HGFAC: variants seen among roughly 807,000 people sequenced by gnomAD.
HGFAC encodes HGF activator, also known as hepatocyte growth factor activator serine protease.
HGFAC carries 76 observed loss-of-function variants against 70.6 expected under a neutral mutation model. The ratio of observed to expected loss-of-function variants is 1.08; its 90% CI spans 0.89 to 1.30. HGFAC has a LOEUF of 1.30. HGFAC is among the 50% of genes most tolerant of loss of function. The pLI is 0.00. For missense variants in HGFAC, 1,044 were observed against 933.7 expected (o/e 1.12, Z -1.54); for synonymous variants, 464 against 405.3 (o/e 1.14, Z -1.74).
chr4:3,444,937 C>A lies in HGFAC; in HGVS notation c.960C>A (p.His320Gln). The A allele has an allele frequency of 6.2e-7, 1 of 1,608,912 alleles. No homozygotes were observed. Among genetic ancestry groups the A allele is most frequent in the South Asian group, 1.1e-5 (1 of 90,524 alleles). Reference sequence around the variant, plus strand: ...CCGATCTGCTCTACCAGGAGCTGCACGTGGACTCCGTGGGCGCCGCGGCCC... The same window carrying A: ...CCGATCTGCTCTACCAGGAGCTGCAAGTGGACTCCGTGGGCGCCGCGGCCC... ...WNSDLLYQELHVDSVGAAALL... is the reference protein window; with the variant it reads ...WNSDLLYQELQVDSVGAAALL... The change falls in exon 8 of 14, where the codon CAC (histidine) becomes CAA (glutamine). Residue 320 changes from histidine to glutamine, a missense_variant. By Grantham distance (24) the His-to-Gln change is conservative. Coordinates refer to ENST00000382774, the MANE Select transcript of HGFAC (RefSeq NM_001528.4).
At chr4:3,445,199 C>A in intron 8 of HGFAC, 66 bp from the exon 9 acceptor site, 1 of 1,402,820 alleles carries the variant, frequency 7.1e-7, no homozygotes, top group Non-Finnish European at 9.9e-7. Flanking sequence ...GGTTCCGATG[C>A]CCCCTCCCCA....
chr4:3,445,516 CTGGGGTCACAG>C (rs1278671586), intron 9 of HGFAC, 166 bp downstream of exon 9: 2 of 642,072 alleles, frequency 3.1e-6, no homozygotes, highest in African/African-American at 3.6e-5. Flanking sequence ...TGGGTCGGTA[CTGGGGTCACAG>C]TGGGGAAGCA....
intron 3 of HGFAC, 31 bp from the exon 4 acceptor site, chr4:3,443,310 G>A: frequency 6.5e-7 from 1 of 1,530,218 alleles, no homozygotes; most frequent in Non-Finnish European, 8.8e-7. Context: ...CTCTGCCTGG[G>A]ACCCCCATGC....
Position 3,445,310 on chromosome 4 carries a change from C to T in HGFAC, c.1062C>T (p.Asp354=). The T allele has an allele frequency of 6.3e-7, 1 of 1,588,780 alleles. No homozygotes were observed. The highest frequency in any genetic ancestry group is 8.6e-7 in the Non-Finnish European group (1 of 1,168,548). Residue 354 remains aspartate (D), a synonymous_variant, in exon 9 of 14, where the codon GAC becomes GAT. Transcript: ENST00000382774. The stretch of plus-strand genomic sequence containing the variant: ...GGCCCTGGTGCTACGTGGTGAAGGA[C>T]AGCGCGCTCTCCTGGGAGTACTGCC... ...DERPWCYVVK[D]SALSWEYCRL... is the part of the protein sequence containing the mutation.
rs144769668 is a variant in HGFAC, at chr4:3,447,407, C to T, written c.1356-85C>T. 45 of 1,513,924 alleles carry T rather than the reference C, an allele frequency of 3.0e-5. 2 individuals carry two copies. The highest frequency in any genetic ancestry group is 1.5e-4 in the Admixed American group (9 of 58,550). 93.8% of individuals were successfully genotyped at this position (1,513,924 alleles called of 1,614,324 possible). On this transcript the variant is annotated intron_variant, in intron 10 of 13. Transcript: ENST00000382774. ...ACCAGGGTCCCACACCATTGGCCTC[C>T]GTGGGCCTGACAGGGGGTGGGGAGA...
At chr4:3,448,488 C>T (rs1227148284) in intron 13 of HGFAC, among the ~76,000 whole-genome samples, 2 of 152,200 alleles carry the variant, frequency 1.3e-5, no homozygotes, top group South Asian at 2.1e-4. Context: ...CCTCCTCACA[C>T]AGAAGGGGAG....
intron 4 of HGFAC, 136 bp downstream of exon 4, chr4:3,443,556 C>G (rs929238851): frequency 1.9e-6 from 1 of 526,742 alleles, no homozygotes; most frequent in Non-Finnish European, 3.2e-6. Flanking sequence ...GGATTAACCC[C>G]GGTGGGTGCC....
rs370599923 is a variant in HGFAC, at chr4:3,442,823, C to G, written c.209C>G (p.Thr70Arg). The G allele has an allele frequency of 1.5e-5, 24 of 1,591,720 alleles. No homozygotes were observed. The highest frequency in any genetic ancestry group is 1.8e-5 in the Non-Finnish European group (21 of 1,170,986). ...TCTGTGACCTCTGAGACCCCAGCAA[C>G]AAGTGCTCCAGAGGCAGAGGGACCC... ...VTSVTSETPA[T>R]SAPEAEGPQS... Residue 70 changes from threonine to arginine, a missense_variant, in exon 2 of 14, where the codon ACA becomes AGA. Thr to Arg is a moderately conservative substitution (Grantham distance 71). Transcript: ENST00000382774.
At chr4:3,448,358 A>C in intron 13 of HGFAC, 82 bp downstream of exon 13, 1 of 1,500,452 alleles carries the variant, frequency 6.7e-7, no homozygotes, top group South Asian at 1.2e-5. Flanking sequence ...GCCCCTGGGG[A>C]GCCCAGAGCC....
intron 13 of HGFAC, among the ~76,000 whole-genome samples, chr4:3,448,862 G>C (rs1380915140): frequency 6.6e-6 from 1 of 152,176 alleles, no homozygotes; most frequent in Non-Finnish European, 1.5e-5. Context: ...CCTCGATAAG[G>C]GAAGTCAGGA....
chr4:3,442,934 G>A, intron 2 of HGFAC, 22 bp downstream of exon 2: 1 of 1,560,542 alleles, frequency 6.4e-7, no homozygotes, highest in South Asian at 1.2e-5. Context: ...GGGCCTGGGA[G>A]GAGGTGTCGT....
At position 3,446,034 on chromosome 4, in the gene HGFAC, G is replaced by T. The variant is rs1481260902; in HGVS notation, c.1103-8G>T. ...CCAGGGGTGTGACCCGGTGACCTTT[G>T]CTCCCAGAATCCCTCACCAGAGTCC... On this transcript the variant is annotated splice_region_variant and splice_polypyrimidine_tract_variant and intron_variant, in intron 9 of 13. Coordinates refer to ENST00000382774, the MANE Select transcript of HGFAC (RefSeq NM_001528.4). The T allele has an allele frequency of 6.2e-7, 1 of 1,607,344 alleles. No individual in the cohort carries two copies. Among genetic ancestry groups the T allele is most frequent in the Non-Finnish European group, 8.5e-7 (1 of 1,176,794 alleles).
chr4:3,441,945 C>G (rs1725328078), upstream of HGFAC: 1 of 1,019,854 alleles, frequency 9.8e-7, no homozygotes, highest in Admixed American at 3.1e-5. This position sits in a 1 kb window ranked among gnomAD's most constrained non-coding sequence, Gnocchi z 6.0. Context: ...CTTGACCCCA[C>G]CTGCCTTGGC....
chr4:3,444,263 C>T (rs200391858), intron 5 of HGFAC, 48 bp from the exon 6 acceptor site: 27 of 1,568,386 alleles, frequency 1.7e-5, no homozygotes, highest in East Asian at 7.2e-5. Flanking sequence ...GGGCCCTGCA[C>T]GGGGACAGCA....
chr4:3,448,003 G>A lies in HGFAC; in HGVS notation c.1604G>A (p.Cys535Tyr). 1.9e-6 allele frequency: 3 copies of A among 1,569,780 alleles called. No homozygotes were observed. The highest frequency in any genetic ancestry group is 2.6e-6 in the Non-Finnish European group (3 of 1,158,242). The change falls in exon 12 of 14, where the codon TGC (cysteine) becomes TAC (tyrosine). Residue 535 changes from cysteine to tyrosine, a missense_variant. By Grantham distance (194) the Cys-to-Tyr change is radical. Transcript: ENST00000382774. ...PGSTFPAGHK[C>Y]QIAGWGHLDE... ...AGCACCTTCCCCGCAGGACACAAGT[G>A]CCAGATTGCGGGCTGGGGCCACTTG...
intron 13 of HGFAC, 80 bp from the exon 14 acceptor site, chr4:3,449,157 C>A: frequency 7.4e-7 from 1 of 1,349,436 alleles, no homozygotes; most frequent in Non-Finnish European, 1.0e-6. Context: ...GTCCTCTGTC[C>A]CCAAGCTGCC....
At position 3,442,076 on chromosome 4, in the gene HGFAC, G is replaced by C. The variant is rs1275103915; in HGVS notation, c.75G>C (p.Leu25=). The C allele has an allele frequency of 6.4e-7, 1 of 1,553,746 alleles. No homozygotes were observed. The highest frequency in any genetic ancestry group is 2.0e-5 in the Admixed American group (1 of 50,528). The change falls in exon 1 of 14, where the codon CTG becomes CTC. Residue 25 remains leucine (L), a synonymous_variant. Coordinates refer to ENST00000382774, the MANE Select transcript of HGFAC (RefSeq NM_001528.4). ...GLGPFLLLLL[L]LLLLPRGFQP... is the part of the protein sequence containing the mutation. ...GCCCCTTCCTCCTCCTCCTCCTGCT[G>C]CTGCTGCTGCTGCCACGGGGGTTCC...
chr4:3,443,187 G>A, intron 3 of HGFAC, 41 bp downstream of exon 3: 1 of 1,385,646 alleles, frequency 7.2e-7, no homozygotes. Flanking sequence ...GGGGTCACCT[G>A]CCCCACGCTG....
chr4:3,441,378 G>A (rs1725305891), upstream of HGFAC, among the ~76,000 whole-genome samples: 1 of 152,116 alleles, frequency 6.6e-6, no homozygotes, highest in Non-Finnish European at 1.5e-5. The surrounding 1 kb of genome is among the most constrained non-coding windows in gnomAD (Gnocchi z 6.0). Context: ...CAGGCAGGTG[G>A]GGCAGGATCT....
Sources: gnomAD v4.1 joint callset for allele counts (sites outside exome capture counted in the v4.1 genomes callset) on GRCh38, gnomAD v4.1.1 for gene constraint, Gnocchi (gnomAD v3.1) non-coding constraint, MANE v1.5 for transcripts, NCBI Gene and HGNC (gene_info 2026-07-23, HGNC 2026-07-21) for gene names.